The following HERC3 variants were observed in gnomAD, a reference collection of about 807,000 sequenced individuals.
The protein encoded by HERC3 is HECT and RLD domain containing E3 ubiquitin protein ligase 3.
Under a neutral mutation model 129.9 loss-of-function variants are expected in HERC3, and 58 were observed. That is an observed-to-expected ratio of 0.45 (90% CI 0.36 to 0.56). The LOEUF (loss-of-function observed/expected upper bound fraction) is 0.56. HERC3 is among the 20% of genes least tolerant of loss of function. The probability of loss-of-function intolerance (pLI) is 0.00; values close to 1 mark genes in which losing one functional copy is unlikely to be tolerated. For missense variants in HERC3, 835 were observed against 1,244.2 expected (o/e 0.67, Z 4.95); for synonymous variants, 430 against 451.0 (o/e 0.95, Z 0.59).
chr4:88,693,301 A>G, intron 23 of HERC3: 1 of 972,352 alleles, frequency 1.0e-6, no homozygotes, highest in Non-Finnish European at 1.2e-6. Flanking sequence ...CTCAGGGGTG[A>G]AATGGAATTA....
intron 21 of HERC3, among the ~76,000 whole-genome samples, chr4:88,682,651 C>G (rs1263112091): frequency 1.3e-5 from 2 of 152,094 alleles, no homozygotes; most frequent in Admixed American, 1.3e-4. Flanking sequence ...AGGACATGAA[C>G]TCATCATTTT....
chr4:88,630,487 C>T (rs942288513), intron 3 of HERC3, among the ~76,000 whole-genome samples: 3 of 152,090 alleles, frequency 2.0e-5, no homozygotes, highest in African/African-American at 7.2e-5. Flanking sequence ...ATGAAACTGC[C>T]TTCCTGGAGC....
chr4:88,611,333 G>C (rs558480510), intron 3 of HERC3, among the ~76,000 whole-genome samples: 2 of 152,302 alleles, frequency 1.3e-5, no homozygotes, highest in East Asian at 3.9e-4. Context: ...TGCTTATTGA[G>C]AACCATGACC....
rs114996964 is a variant in HERC3, at chr4:88,707,396, A to G, written c.*436A>G. 3,514 of 166,692 alleles carry G rather than the reference A, an allele frequency of 0.021. 58 individuals are homozygous for G. Among genetic ancestry groups the G allele is most frequent in the Non-Finnish European group, 0.033 (2,530 of 76,392 alleles). 10.3% of individuals were successfully genotyped at this position (166,692 alleles called of 1,614,324 possible). On this transcript the variant is annotated 3_prime_UTR_variant, in exon 26 of 26. Transcript: ENST00000402738. ...GATTTAGACTGACCTGTCCTTTTTT[A>G]TCTGCGCATGCGAGAACATCACCTT...
At chr4:88,570,764 T>TTATG in the HERC3 span, among the ~76,000 whole-genome samples, 1 of 55,324 alleles carries the variant, frequency 1.8e-5, no homozygotes, top group Non-Finnish European at 8.6e-5. Context: ...TATTTTATTT[T>TTATG]TATTTATTTA....
At chr4:88,585,076 G>C in the HERC3 span, among the ~76,000 whole-genome samples, 4 of 152,176 alleles carry the variant, frequency 2.6e-5, no homozygotes, top group South Asian at 8.3e-4. Flanking sequence ...ACCTTTTGCT[G>C]GTTCACAGAT....
chr4:88,643,162 A>T (rs1459426626), intron 3 of HERC3, among the ~76,000 whole-genome samples: 1 of 152,228 alleles, frequency 6.6e-6, no homozygotes, highest in Non-Finnish European at 1.5e-5. Flanking sequence ...TAAAATACTT[A>T]GGTATAACTT....
At chr4:88,692,659 C>T (rs1052324298) in intron 23 of HERC3, among the ~76,000 whole-genome samples, 2 of 152,168 alleles carry the variant, frequency 1.3e-5, no homozygotes, top group African/African-American at 2.4e-5. Flanking sequence ...GCTTACCATG[C>T]ATCAGACACT....
intron 23 of HERC3, chr4:88,690,260 T>G: frequency 1.0e-6 from 1 of 978,306 alleles, no homozygotes; most frequent in African/African-American, 1.8e-5. Flanking sequence ...AAGACCAGGC[T>G]TTTTATTCCA....
At chr4:88,690,532 G>A (rs1733969683) in intron 23 of HERC3, 2 of 985,112 alleles carry the variant, frequency 2.0e-6, no homozygotes, top group Non-Finnish European at 2.4e-6. Flanking sequence ...CCTGAGGAAG[G>A]GGAACATTCA....
rs779512907 is a variant in HERC3, at chr4:88,697,622, C to A, written c.2658-6476C>A. ...TCAGCCATCTGACCAGCCGCGCTGT[C>A]AGGGTCACCAGCCGCGCTGTCACAG... On this transcript the variant is annotated intron_variant, in intron 23 of 25. Coordinates refer to ENST00000402738, the MANE Select transcript of HERC3 (RefSeq NM_014606.3). 5.0e-6 allele frequency: 8 copies of A among 1,609,168 alleles called. No homozygotes were observed. In the Admixed American group the frequency reaches 1.0e-4, roughly 20 times the overall value.
In HERC3 at chr4:88,655,320, AGCTT is replaced by A. The variant is rs1398178604; in HGVS notation, c.908+22_908+25del. 1 of 1,612,422 alleles carries A rather than the reference AGCTT, an allele frequency of 6.2e-7. No homozygotes were observed. Among genetic ancestry groups the A allele is most frequent in the Non-Finnish European group, 8.5e-7 (1 of 1,179,102 alleles). ...CTTGTGGCAGGTGAGTGTTCCTCAA[AGCTT>A]GCTTGTATTCACTAGGACCCAGAAA... On this transcript the variant is annotated intron_variant, in intron 8 of 25. Transcript: ENST00000402738.
intron 23 of HERC3, among the ~76,000 whole-genome samples, chr4:88,688,184 A>G (rs905806726): frequency 2.6e-5 from 4 of 152,210 alleles, no homozygotes; most frequent in Non-Finnish European, 5.9e-5. Flanking sequence ...GTTGGAGGAA[A>G]CATTTTAGGC....
At chr4:88,568,757 TG>T in the HERC3 span, among the ~76,000 whole-genome samples, 22 of 152,062 alleles carry the variant, frequency 1.4e-4, no homozygotes, top group South Asian at 3.5e-3. Context: ...AAGTGCCATC[TG>T]GGAGCTAGTG....
intron 2 of HERC3, among the ~76,000 whole-genome samples, chr4:88,604,934 G>T (rs541049677): frequency 2.0e-5 from 3 of 151,980 alleles, no homozygotes; most frequent in Non-Finnish European, 2.9e-5. Flanking sequence ...AATTGGTAGC[G>T]AGAGATGAGA....
chr4:88,560,752 G>A, the HERC3 span, among the ~76,000 whole-genome samples: 1 of 151,968 alleles, frequency 6.6e-6, no homozygotes, highest in Non-Finnish European at 1.5e-5. Context: ...ATTTTTAGTT[G>A]ATTTTTGTGT....
chr4:88,546,553 A>G, the HERC3 span, among the ~76,000 whole-genome samples: 4 of 129,078 alleles, frequency 3.1e-5, 1 homozygote, highest in African/African-American at 3.0e-5. Context: ...TCTGTCACCC[A>G]GGCTGGAGTG....
intron 23 of HERC3, among the ~76,000 whole-genome samples, chr4:88,691,424 C>A (rs1427597407): frequency 6.6e-6 from 1 of 152,176 alleles, no homozygotes; most frequent in Non-Finnish European, 1.5e-5. Flanking sequence ...TTGTCATGTT[C>A]TGGAGGCCGG....
chr4:88,648,806 T>A (rs1227713533), intron 3 of HERC3, among the ~76,000 whole-genome samples: 1 of 152,060 alleles, frequency 6.6e-6, no homozygotes, highest in Non-Finnish European at 1.5e-5. Flanking sequence ...TCCTATAATT[T>A]CTTATCTTTT....
Sources: allele counts gnomAD v4.1 joint callset (sites outside exome capture counted in the v4.1 genomes callset), GRCh38; gene constraint gnomAD v4.1.1; transcripts MANE v1.5; gene names NCBI Gene and HGNC (gene_info 2026-07-23, HGNC 2026-07-21).